Variants in TEX9 observed in about 807,000 individuals in gnomAD.
The protein encoded by TEX9 is testis expressed 9.
A neutral mutation model predicts 59.6 loss-of-function variants in TEX9; 74 were observed. The ratio of observed to expected loss-of-function variants is 1.24; its 90% confidence interval spans 1.03 to 1.51. The LOEUF (loss-of-function observed/expected upper bound fraction) is 1.51, where lower values mean the gene tolerates loss of function less well. Among genes scored for constraint, TEX9 ranks in the 40% most tolerant of loss-of-function variants. TEX9 has a pLI of 0.00. For missense variants in TEX9, 522 were observed against 447.8 expected, an observed-to-expected ratio of 1.17 and a Z score of -1.49; for synonymous variants, 186 against 152.2, an observed-to-expected ratio of 1.22 and a Z score of -1.64.
chr15:56,256,017 G>T (rs2682055), intron 1 of TEX9, among the ~76,000 whole-genome samples: 106,681 of 151,868 alleles, frequency 0.7, 38,509 homozygotes, highest in East Asian at 0.88. Context: ...TGAAATAAAA[G>T]TTGTAATTAA....
intron 1 of TEX9, among the ~76,000 whole-genome samples, chr15:56,284,686 A>G (rs995191277): frequency 2.6e-5 from 4 of 152,118 alleles, no homozygotes; most frequent in South Asian, 2.1e-4. Context: ...TGATGGCCCT[A>G]CTATCCACTA....
chr15:56,349,698 C>A (rs2046538839), intron 1 of TEX9, among the ~76,000 whole-genome samples: 1 of 151,914 alleles, frequency 6.6e-6, no homozygotes, highest in African/African-American at 2.4e-5. Context: ...TGTGTGTATA[C>A]ACACACGTGT....
intron 1 of TEX9, among the ~76,000 whole-genome samples, chr15:56,307,754 C>A (rs2045517160): frequency 6.6e-6 from 1 of 152,166 alleles, no homozygotes; most frequent in African/African-American, 2.4e-5. Flanking sequence ...TGCCCCCAGT[C>A]TCTGAGTCTC....
intron 12 of TEX9, among the ~76,000 whole-genome samples, chr15:56,442,465 A>G (rs190580590): frequency 6.6e-6 from 1 of 152,332 alleles, no homozygotes; most frequent in East Asian, 1.9e-4. Flanking sequence ...ACTATTCACA[A>G]TGGCAAAGAT....
chr15:56,378,407 TTC>T (rs2142092915), intron 3 of TEX9, among the ~76,000 whole-genome samples: 1 of 152,238 alleles, frequency 6.6e-6, no homozygotes, highest in African/African-American at 2.4e-5. Flanking sequence ...CTTATTATTG[TTC>T]TGTTTAGTTT....
At chr15:56,408,682 A>G (rs2049196470) in intron 9 of TEX9, 1 of 147,092 alleles carries the variant, frequency 6.8e-6, no homozygotes, top group Non-Finnish European at 1.5e-5. Flanking sequence ...GCATCACCCA[A>G]TTGTTCAGTC....
At chr15:56,252,530 G>C (rs2044048711) in intron 1 of TEX9, among the ~76,000 whole-genome samples, 1 of 152,036 alleles carries the variant, frequency 6.6e-6, no homozygotes, top group African/African-American at 2.4e-5. Flanking sequence ...ATGTCTCCAT[G>C]ACTTTACAAA....
intron 1 of TEX9, among the ~76,000 whole-genome samples, chr15:56,256,885 G>T (rs889120160): frequency 1.5e-4 from 23 of 151,922 alleles, no homozygotes; most frequent in African/African-American, 5.3e-4. Context: ...CATCACCAAG[G>T]TATGAAGCCT....
At chr15:56,396,069 T>A (rs1416425969) in intron 9 of TEX9, 5 of 152,190 alleles carry the variant, frequency 3.3e-5, no homozygotes, top group Non-Finnish European at 7.4e-5. Context: ...CTAGCTTATA[T>A]TAGTGTGCCA....
the TEX9 span, among the ~76,000 whole-genome samples, chr15:56,453,873 G>A: frequency 9.2e-5 from 14 of 151,914 alleles, no homozygotes; most frequent in Admixed American, 7.9e-4. Flanking sequence ...TAAATGTGCC[G>A]TGCATTTAAA....
intron 2 of TEX9, among the ~76,000 whole-genome samples, chr15:56,367,524 T>C (rs2047000572): frequency 6.6e-6 from 1 of 152,188 alleles, no homozygotes; most frequent in African/African-American, 2.4e-5. Context: ...CTCAAGTGGA[T>C]AGATTTTTCA....
rs1198538693 is a variant in TEX9 at position 56,268,828 on chromosome 15, T to A, written c.-107+24550T>A. ...CTGCCAGGCTTTGGTATCAGGATGA[T>A]GTTGGCCTCATAAAATGAGTTAAGG... On this transcript the variant is annotated intron_variant, in intron 1 of 5. Coordinates refer to the TEX9 transcript ENST00000560827. Among the ~76,000 whole-genome samples, 8 of 152,338 alleles carry A rather than the reference T, an allele frequency of 5.3e-5. No homozygotes were observed. In the East Asian group the frequency reaches 9.6e-4, roughly 18 times the overall value.
intron 1 of TEX9, among the ~76,000 whole-genome samples, chr15:56,320,290 G>T (rs1435439326): frequency 6.6e-6 from 1 of 152,186 alleles, no homozygotes; most frequent in African/African-American, 2.4e-5. Context: ...AGCTCCAGCT[G>T]CCATAATAAA....
chr15:56,338,555 A>G (rs1325532596), intron 1 of TEX9, among the ~76,000 whole-genome samples: 1 of 123,594 alleles, frequency 8.1e-6, no homozygotes, highest in East Asian at 2.1e-4. Context: ...AGAACTGTAA[A>G]CCTATATTTG....
At chr15:56,441,914 G>A (rs1283802755) in intron 12 of TEX9, among the ~76,000 whole-genome samples, 2 of 152,044 alleles carry the variant, frequency 1.3e-5, no homozygotes, top group Admixed American at 6.5e-5. Context: ...CAGCTACTTG[G>A]GAGGCTGAGG....
At chr15:56,306,115 A>G (rs12440236) in intron 1 of TEX9, among the ~76,000 whole-genome samples, 6,661 of 152,170 alleles carry the variant, frequency 0.044, 221 homozygotes, top group Admixed American at 0.086. Context: ...TGCTGGTGAG[A>G]ATGCAGAGAA....
At chr15:56,350,357 A>G (rs1283635856) in intron 1 of TEX9, among the ~76,000 whole-genome samples, 2 of 152,220 alleles carry the variant, frequency 1.3e-5, no homozygotes, top group Non-Finnish European at 2.9e-5. Context: ...TGATAGGATG[A>G]TTTTGGAGAA....
chr15:56,313,122 T>C (rs1224654695), intron 1 of TEX9, among the ~76,000 whole-genome samples: 24 of 151,424 alleles, frequency 1.6e-4, no homozygotes, highest in Non-Finnish European at 4.4e-5. Context: ...CTTTTCCTAA[T>C]TGAATACCCG....
At chr15:56,346,331 A>G (rs2046469621) in intron 1 of TEX9, among the ~76,000 whole-genome samples, 1 of 152,172 alleles carries the variant, frequency 6.6e-6, no homozygotes, top group Non-Finnish European at 1.5e-5. Context: ...TGAGTTTGCC[A>G]GAATAAAGCT....
Sources: gnomAD v4.1 joint callset for allele counts (sites outside exome capture counted in the v4.1 genomes callset) on GRCh38, gnomAD v4.1.1 for gene constraint, MANE v1.5 for transcripts, NCBI Gene and HGNC (gene_info 2026-07-23, HGNC 2026-07-21) for gene names.